Variants in GRK6 observed in about 807,000 individuals in gnomAD.
The protein encoded by GRK6 is G protein-coupled receptor kinase 6.
In GRK6, 37 loss-of-function variants were observed where a neutral mutation model predicts 80.8. The ratio of observed to expected loss-of-function variants is 0.46; its 90% CI spans 0.35 to 0.60. The LOEUF (loss-of-function observed/expected upper bound fraction) is 0.60, where lower values mean the gene tolerates loss of function less well. GRK6 is among the 20% of genes least tolerant of loss of function. GRK6 has a pLI of 0.00. For missense variants in GRK6, 560 were observed against 784.6 expected, an observed-to-expected ratio of 0.71 and a Z score of 3.42; for synonymous variants, 295 against 320.9, an observed-to-expected ratio of 0.92 and a Z score of 0.86.
At chr5:177,433,303 C>T in intron 6 of GRK6, 44 bp from the exon 7 acceptor site, 1 of 1,613,740 alleles carries the variant, frequency 6.2e-7, no homozygotes, top group Non-Finnish European at 8.5e-7. Context: ...AGGCCTTGGG[C>T]TCTCCTGCTC....
intron 13 of GRK6, among the ~76,000 whole-genome samples, chr5:177,437,608 G>T (rs747187405): frequency 1.1e-4 from 16 of 152,224 alleles, no homozygotes; most frequent in Non-Finnish European, 2.1e-4. Flanking sequence ...GCTCACCGTG[G>T]AGTGTATTGG....
chr5:177,435,965 C>G, intron 11 of GRK6, 108 bp from the exon 12 acceptor site: 1 of 925,666 alleles, frequency 1.1e-6, no homozygotes, highest in Non-Finnish European at 1.7e-6. Flanking sequence ...TCCCCCCTGG[C>G]CAGCGGGTGT....
chr5:177,433,040 G>T, intron 5 of GRK6, 107 bp from the exon 6 acceptor site: 1 of 1,009,076 alleles, frequency 9.9e-7, no homozygotes, highest in South Asian at 1.3e-5. Context: ...GGCCGACGAC[G>T]ATACCTGTGG....
chr5:177,433,592 G>A lies in GRK6; in HGVS notation c.654G>A (p.Glu218=). 6.2e-7 allele frequency: 1 copy of A among 1,614,174 alleles called. No individual in the cohort carries two copies. The highest frequency in any genetic ancestry group is 1.1e-5 in the South Asian group (1 of 91,092). ...AGATGTATGCCTGCAAGAAGCTAGA[G>A]AAAAAGCGGATCAAGAAGCGGAAAG... is the stretch of plus-strand genomic sequence containing the variant. ...TGKMYACKKL[E]KKRIKKRKGE... is the part of the protein sequence containing the mutation. Residue 218 remains glutamate (E), a synonymous_variant, in exon 8 of 16, where the codon GAG becomes GAA. Transcript: ENST00000355472.
rs761202363 is a variant in GRK6 at position 177,430,827 on chromosome 5, C to A, written c.53-45C>A. ...CCGCACTGAGGACCCAGAGGCAGTT[C>A]TGAGGCAGTGGGACTCGAGACCCAG... On this transcript the variant is annotated intron_variant, in intron 1 of 15. Transcript: ENST00000355472. The A allele has an allele frequency of 3.2e-6, 5 of 1,564,740 alleles. No homozygotes were observed. In the African/African-American group the frequency reaches 5.4e-5, roughly 17 times the overall value.
chr5:177,440,782 A>G lies in GRK6; in HGVS notation c.1487A>G (p.Gln496Arg), dbSNP rs745364019. The change falls in exon 14 of 16, where the codon CAG becomes CGG. Residue 496 changes from glutamine to arginine, a missense_variant. Gln to Arg is a conservative substitution (Grantham distance 43). Around this residue, in one of 3 missense-constraint regions of GRK6, gnomAD observed 294 missense variants for 397.4 expected, o/e 0.74. Coordinates refer to ENST00000355472, the MANE Select transcript of GRK6 (RefSeq NM_001004106.3). ...GGCGTGGAGCTGGAGCCTACCGACCAGGACTTCTACCAGAAGTTTGCCACA... is the reference window on the plus strand; with the variant it reads ...GGCGTGGAGCTGGAGCCTACCGACCGGGACTTCTACCAGAAGTTTGCCACA... ...VKGVELEPTD[Q>R]DFYQKFATGS... 1.6e-5 allele frequency: 26 copies of G among 1,614,092 alleles called. No homozygotes were observed. Among genetic ancestry groups the G allele is most frequent in the Middle Eastern group, 1.6e-4 (1 of 6,084 alleles).
Position 177,431,704 on chromosome 5 carries a change from G to T in GRK6, c.149-291G>T. 6.5e-6 allele frequency: 3 copies of T among 460,316 alleles called. No individual in the cohort carries two copies. The South Asian group carries it at 6.5e-5, about 10-fold the overall frequency. The allele number at this position is 460,316 out of a possible 1,614,324, so 28.5% of individuals were successfully genotyped here. ...ACCCAACCCCAGTACCGTGACATAC[G>T]CAAGTCGTGTAAATCAGGAGACAAT... is the stretch of plus-strand genomic sequence containing the variant. On this transcript the variant is annotated intron_variant, in intron 2 of 15. Transcript: ENST00000355472.
At chr5:177,432,835 A>T in intron 5 of GRK6, 29 bp downstream of exon 5, 1 of 1,552,426 alleles carries the variant, frequency 6.4e-7, no homozygotes, top group Non-Finnish European at 8.9e-7. Flanking sequence ...ACAAGCCTGG[A>T]ATTATGCCCA....
At chr5:177,440,550 G>T in intron 13 of GRK6, 150 bp from the exon 14 acceptor site, 1 of 851,894 alleles carries the variant, frequency 1.2e-6, no homozygotes, top group Non-Finnish European at 1.8e-6. Context: ...GCCCCACTTA[G>T]GAAGTGCGTG....
chr5:177,427,156 C>G (rs577515363), intron 1 of GRK6, among the ~76,000 whole-genome samples: 1 of 152,072 alleles, frequency 6.6e-6, no homozygotes, highest in East Asian at 1.9e-4. Context: ...GAAGGTGAGA[C>G]GAAGAGGGAA....
chr5:177,434,787 G>T, intron 9 of GRK6, 115 bp from the exon 10 acceptor site: 2 of 1,158,110 alleles, frequency 1.7e-6, no homozygotes, highest in Non-Finnish European at 2.6e-6. Flanking sequence ...CAGCAAATGA[G>T]TCTCGCACCT....
At chr5:177,432,887 C>A in intron 5 of GRK6, 81 bp downstream of exon 5, 1 of 1,170,126 alleles carries the variant, frequency 8.5e-7, no homozygotes, top group South Asian at 1.4e-5. Context: ...GTGAACAGCT[C>A]GGTGGCTGGT....
At chr5:177,436,372 G>A in intron 12 of GRK6, 21 bp from the exon 13 acceptor site, 1 of 1,610,660 alleles carries the variant, frequency 6.2e-7, no homozygotes, top group Non-Finnish European at 8.5e-7. Context: ...GGCCTGCCTG[G>A]CCGACTCACC....
intron 13 of GRK6, 131 bp from the exon 14 acceptor site, chr5:177,440,568 TG>T: frequency 9.2e-7 from 1 of 1,092,864 alleles, no homozygotes. Flanking sequence ...GTGGGGCACC[TG>T]GTTTCTCCAA....
At position 177,440,980 on chromosome 5, in the gene GRK6, C is replaced by T. The variant is rs148914663; in HGVS notation, c.1604C>T (p.Pro535Leu). Residue 535 changes from proline to leucine, a missense_variant, in exon 15 of 16, where the codon CCA (proline) becomes CTA (leucine). Pro to Leu is a moderately conservative substitution (Grantham distance 98). Coordinates refer to ENST00000355472, the MANE Select transcript of GRK6 (RefSeq NM_001004106.3). ...TTTGGGCTGGATGGCTCAGTTCCCC[C>T]AGACCTGGACTGGAAGGGCCAGCCA... ...NVFGLDGSVP[P>L]DLDWKGQPPA... 1.9e-6 allele frequency: 3 copies of T among 1,613,924 alleles called. No homozygotes were observed. The African/African-American group carries it at 4.0e-5, about 22-fold the overall frequency.
At chr5:177,438,500 T>A (rs1481209221) in intron 13 of GRK6, 1 of 152,122 alleles carries the variant, frequency 6.6e-6, no homozygotes, top group Non-Finnish European at 1.5e-5. Context: ...CGGAGAGCCA[T>A]GCCAAGGTTT....
Position 177,432,751 on chromosome 5 carries a change from T to G in GRK6, c.385T>G (p.Cys129Gly). ...PEVPRQLVTN[C>G]TQRLEQGPCK... The stretch of plus-strand genomic sequence containing the variant: ...GGTCCCCCGGCAGCTGGTGACGAAC[T>G]GCACCCAGCGGCTGGAGCAGGGTCC... Residue 129 changes from cysteine (C) to glycine (G), a missense_variant, in exon 5 of 16, where the codon TGC (cysteine) becomes GGC (glycine). Physicochemically the swap from Cys to Gly is radical, Grantham distance 159. This residue lies in a region of GRK6 where 189 missense variants were observed against 230.2 expected (regional missense o/e 0.82). Transcript: ENST00000355472. 1.2e-6 allele frequency: 2 copies of G among 1,612,442 alleles called. No individual in the cohort carries two copies. The highest frequency in any genetic ancestry group is 1.7e-6 in the Non-Finnish European group (2 of 1,179,456).
In GRK6 at chr5:177,434,890, C is replaced by T. The variant is rs982265513; in HGVS notation, c.930-12C>T. On this transcript the variant is annotated splice_polypyrimidine_tract_variant and intron_variant, in intron 9 of 15. Transcript: ENST00000355472. The stretch of plus-strand genomic sequence containing the variant: ...CTGAGCAGCATCTGACCCTGCTCTT[C>T]TCTCTGCACAGGGACCTGAAGCCCG... 1 of 1,613,628 alleles carries T rather than the reference C, an allele frequency of 6.2e-7. No individual in the cohort carries two copies. The highest frequency in any genetic ancestry group is 8.5e-7 in the Non-Finnish European group (1 of 1,179,984).
chr5:177,430,685 G>A (rs1763849763), intron 1 of GRK6, 187 bp from the exon 2 acceptor site: 2 of 603,652 alleles, frequency 3.3e-6, no homozygotes, highest in Non-Finnish European at 6.0e-6. Flanking sequence ...GGAGCCTGAA[G>A]CAGGAGAAGC....
Sources: gnomAD v4.1 joint callset for allele counts (sites outside exome capture counted in the v4.1 genomes callset) on GRCh38, gnomAD v4.1.1 for gene constraint, gnomAD v4.1.1 regional missense constraint, MANE v1.5 for transcripts, NCBI Gene and HGNC (gene_info 2026-07-23, HGNC 2026-07-21) for gene names.